MCC: variants seen among roughly 807,000 people sequenced by gnomAD.
The protein encoded by MCC is MCC regulator of Wnt signaling pathway.
A neutral mutation model predicts 116.2 loss-of-function variants in MCC; 90 were observed. The ratio of observed to expected loss-of-function variants is 0.77; its 90% confidence interval spans 0.65 to 0.92. MCC has a LOEUF of 0.92. Ranked by LOEUF, MCC falls within the 40% of genes least tolerant of loss-of-function variation. MCC has a pLI of 0.00. For synonymous variants in MCC, 578 were observed against 510.5 expected (o/e 1.13, Z -1.78); for missense variants, 1,516 against 1,312.2 (o/e 1.16, Z -2.40).
At chr5:113,454,957 C>T (rs1341913043) in intron 1 of MCC, among the ~76,000 whole-genome samples, 2 of 152,180 alleles carry the variant, frequency 1.3e-5, no homozygotes, top group African/African-American at 2.4e-5. Context: ...CACATGCACA[C>T]TCAGAGATGT....
At chr5:113,085,374 A>G (rs1755142340) in intron 8 of MCC, 64 bp from the exon 9 acceptor site, 1 of 1,505,872 alleles carries the variant, frequency 6.6e-7, no homozygotes. Context: ...AAACAGCCAG[A>G]TGGGTAGGTG....
At chr5:113,347,360 A>T (rs1033084996) in intron 2 of MCC, among the ~76,000 whole-genome samples, 1 of 151,800 alleles carries the variant, frequency 6.6e-6, no homozygotes, top group African/African-American at 2.4e-5. Context: ...TAAAGTGTGG[A>T]ATTTTTATTA....
At chr5:113,068,858 G>T (rs1163541486) in intron 12 of MCC, among the ~76,000 whole-genome samples, 3 of 152,188 alleles carry the variant, frequency 2.0e-5, no homozygotes, top group Non-Finnish European at 4.4e-5. Flanking sequence ...AGCTTGACCA[G>T]AATCTCACAA....
At chr5:113,265,540 C>G (rs138124951) in intron 3 of MCC, among the ~76,000 whole-genome samples, 122 of 152,248 alleles carry the variant, frequency 8.0e-4, no homozygotes, top group African/African-American at 2.9e-3. Flanking sequence ...TTTTTTACCA[C>G]TATATTAGGG....
chr5:113,042,120 A>C lies in MCC; in HGVS notation c.2756+1410T>G, dbSNP rs181772817. 3.7e-3 allele frequency among the ~76,000 whole-genome samples: 570 copies of C among 152,282 alleles called. 7 individuals carry two copies. Among genetic ancestry groups the C allele is most frequent in the African/African-American group, 0.012 (515 of 41,550 alleles). Reference sequence around the variant, plus strand: ...ACACCAAGAAAGAGTCACAAAACTCAACTATGAAAAGAATTACATGTGAAG... The same window carrying C: ...ACACCAAGAAAGAGTCACAAAACTCCACTATGAAAAGAATTACATGTGAAG... On this transcript the variant is annotated intron_variant, in intron 17 of 18. Transcript: ENST00000408903.
At chr5:113,460,688 G>T (rs1771720052) in intron 1 of MCC, among the ~76,000 whole-genome samples, 1 of 152,168 alleles carries the variant, frequency 6.6e-6, no homozygotes, top group African/African-American at 2.4e-5. Flanking sequence ...TGAAGACCTG[G>T]CTCCTTATAA....
intron 8 of MCC, among the ~76,000 whole-genome samples, chr5:113,093,008 A>G (rs1755751894): frequency 6.6e-6 from 1 of 152,222 alleles, no homozygotes; most frequent in African/African-American, 2.4e-5. Flanking sequence ...AGATGTCCTT[A>G]GACACACAGG....
intron 5 of MCC, among the ~76,000 whole-genome samples, chr5:113,123,143 A>G (rs539652536): frequency 2.0e-5 from 3 of 152,328 alleles, no homozygotes; most frequent in South Asian, 2.1e-4. Context: ...TCCGAGGAGA[A>G]TAAGAACTAA....
Position 113,047,157 on chromosome 5 carries a change from T to G in MCC, c.2655+1936A>C, listed in dbSNP as rs376819452. ...TCCCAAGTGGACATTTGTGTCTGGCTTCTGTCCTCCCATGGTGCTAAGAAT... is the reference window on the plus strand; with the variant it reads ...TCCCAAGTGGACATTTGTGTCTGGCGTCTGTCCTCCCATGGTGCTAAGAAT... On this transcript the variant is annotated intron_variant, in intron 16 of 18. Coordinates refer to ENST00000408903, the MANE Select transcript of MCC (RefSeq NM_001085377.2). 1.1e-3 allele frequency among the ~76,000 whole-genome samples: 162 copies of G among 152,328 alleles called. 2 individuals carry two copies. Among genetic ancestry groups the G allele is most frequent in the African/African-American group, 3.7e-3 (154 of 41,576 alleles).
rs75979014 is a variant in MCC, at chr5:113,485,321, G to A, written c.170+2924C>T. ...TTGAATGTGGATTATCATGGGATGGGGGGTTTATTATAGGTATTAACCGCT... is the reference window on the plus strand; with the variant it reads ...TTGAATGTGGATTATCATGGGATGGAGGGTTTATTATAGGTATTAACCGCT... On this transcript the variant is annotated intron_variant, in intron 1 of 18. Coordinates refer to ENST00000408903, the MANE Select transcript of MCC (RefSeq NM_001085377.2). 4.6e-3 allele frequency among the ~76,000 whole-genome samples: 694 copies of A among 152,230 alleles called. 5 individuals carry two copies. Among genetic ancestry groups the A allele is most frequent in the African/African-American group, 0.016 (672 of 41,504 alleles).
chr5:113,413,879 G>C (rs1336716554), intron 1 of MCC, among the ~76,000 whole-genome samples: 1 of 152,110 alleles, frequency 6.6e-6, no homozygotes, highest in East Asian at 1.9e-4. Flanking sequence ...GTCAATTTTA[G>C]ATCTTTCCTG....
chr5:113,414,746 G>C (rs889397849), intron 1 of MCC, among the ~76,000 whole-genome samples: 1 of 152,020 alleles, frequency 6.6e-6, no homozygotes, highest in Non-Finnish European at 1.5e-5. Context: ...CTTTTAATTG[G>C]GGCATTTTAG....
chr5:113,226,074 G>A (rs1309939010), intron 3 of MCC, among the ~76,000 whole-genome samples: 3 of 152,244 alleles, frequency 2.0e-5, no homozygotes, highest in Non-Finnish European at 4.4e-5. Context: ...TACACAGGGG[G>A]CTGAGGCTGG....
intron 6 of MCC, among the ~76,000 whole-genome samples, chr5:113,116,719 C>A (rs751707582): frequency 6.6e-6 from 1 of 152,154 alleles, no homozygotes; most frequent in African/African-American, 2.4e-5. Flanking sequence ...TGCTCTCAAC[C>A]CTGGTTACTC....
intron 14 of MCC, among the ~76,000 whole-genome samples, chr5:113,058,354 C>T (rs553808346): frequency 1.1e-4 from 16 of 152,292 alleles, no homozygotes; most frequent in South Asian, 6.2e-4. Flanking sequence ...CCGGGCTGGC[C>T]GCATCAGCAG....
chr5:113,483,471 T>G (rs1355472458), intron 1 of MCC, among the ~76,000 whole-genome samples: 1 of 152,214 alleles, frequency 6.6e-6, no homozygotes, highest in South Asian at 2.1e-4. Flanking sequence ...GATATATCAC[T>G]GGGAAAATAG....
At chr5:113,221,061 A>C (rs1323833456) in intron 3 of MCC, among the ~76,000 whole-genome samples, 1 of 152,218 alleles carries the variant, frequency 6.6e-6, no homozygotes, top group African/African-American at 2.4e-5. Flanking sequence ...AAAGTTAGCC[A>C]GGTATGGTGG....
At chr5:113,207,284 CAGG>C (rs1451905724) in intron 3 of MCC, among the ~76,000 whole-genome samples, 1 of 152,112 alleles carries the variant, frequency 6.6e-6, no homozygotes, top group Non-Finnish European at 1.5e-5. Flanking sequence ...ACAGGATTGT[CAGG>C]AGAATTGAAT....
chr5:113,034,637 T>G (rs1163699686), intron 17 of MCC, among the ~76,000 whole-genome samples: 1 of 152,236 alleles, frequency 6.6e-6, no homozygotes, highest in Non-Finnish European at 1.5e-5. Context: ...AATTGCTGAT[T>G]ATATGGAATT....
Sources: gnomAD v4.1 joint callset for allele counts (sites outside exome capture counted in the v4.1 genomes callset) on GRCh38, gnomAD v4.1.1 for gene constraint, MANE v1.5 for transcripts, NCBI Gene and HGNC (gene_info 2026-07-23, HGNC 2026-07-21) for gene names.